Variants in FMO2 observed in about 807,000 individuals in gnomAD.
The protein encoded by FMO2 is flavin-containing monooxygenase 2.
In FMO2, 33 loss-of-function variants were observed where a neutral mutation model predicts 41.6. That is an observed-to-expected ratio of 0.79 (90% CI 0.60 to 1.06). The LOEUF (loss-of-function observed/expected upper bound fraction) is 1.06, where lower values mean the gene tolerates loss of function less well. Ranked by LOEUF, FMO2 falls within the 50% of genes least tolerant of loss-of-function variation. The pLI, the probability that FMO2 is intolerant of heterozygous loss-of-function variation, is 0.00. For missense variants in FMO2, 619 were observed against 632.9 expected, an observed-to-expected ratio of 0.98 and a Z score of 0.23; for synonymous variants, 214 against 219.6, an observed-to-expected ratio of 0.97 and a Z score of 0.23.
chr1:171,186,802 C>T (rs1338474408), intron 2 of FMO2, among the ~76,000 whole-genome samples: 1 of 152,184 alleles, frequency 6.6e-6, no homozygotes, highest in East Asian at 1.9e-4. Flanking sequence ...TTCCTTCCCA[C>T]AACCTCTCAA....
rs28369900 is a variant in FMO2 at position 171,205,724 on chromosome 1, T to C, written c.1183+90T>C. 5,860 of 914,950 alleles carry C rather than the reference T, an allele frequency of 6.4e-3. 246 individuals carry two copies. The African/African-American group carries it at 0.085, about 13-fold the overall frequency. The allele number at this position is 914,950 out of a possible 1,614,324, so 56.7% of individuals were successfully genotyped here. On this transcript the variant is annotated intron_variant, in intron 7 of 8. Transcript: ENST00000209929. ...AGAAGGTTGCCTGAGATAAAAAGGTTGCCAAGAAAAAGTTTGACAACCTTG... is the reference window on the plus strand; with the variant it reads ...AGAAGGTTGCCTGAGATAAAAAGGTCGCCAAGAAAAAGTTTGACAACCTTG...
chr1:171,187,025 C>T (rs937223326), intron 2 of FMO2, among the ~76,000 whole-genome samples: 1 of 152,158 alleles, frequency 6.6e-6, no homozygotes, highest in East Asian at 1.9e-4. Flanking sequence ...CTAATAATAA[C>T]TATATATTTT....
At chr1:171,187,839 AT>A (rs1657916668) in intron 2 of FMO2, among the ~76,000 whole-genome samples, 1 of 152,184 alleles carries the variant, frequency 6.6e-6, no homozygotes, top group East Asian at 1.9e-4. Flanking sequence ...GAAGGGAGAA[AT>A]TGATTCTTCT....
intron 8 of FMO2, among the ~76,000 whole-genome samples, 195 bp downstream of exon 8, chr1:171,207,985 A>G (rs140480646): frequency 1.3e-5 from 2 of 152,314 alleles, no homozygotes; most frequent in East Asian, 3.9e-4. Flanking sequence ...TCTTATACAT[A>G]CTAGGTTAAG....
intron 8 of FMO2, among the ~76,000 whole-genome samples, chr1:171,208,119 G>A (rs1264122545): frequency 6.6e-6 from 1 of 152,176 alleles, no homozygotes; most frequent in African/African-American, 2.4e-5. Flanking sequence ...TACACTCTGT[G>A]GTTAGAGAGG....
At position 171,205,587 on chromosome 1, in the gene FMO2, T is replaced by A. The variant is rs1658729157; in HGVS notation, c.1136T>A (p.Phe379Tyr). Residue 379 changes from phenylalanine to tyrosine, a missense_variant, in exon 7 of 9, where the codon TTC becomes TAC. Coordinates refer to ENST00000209929, the MANE Select transcript of FMO2 (RefSeq NM_001460.5). Reference protein sequence around the residue: ...IGLIQPLGSIFPTAELQARWV... With the variant: ...IGLIQPLGSIYPTAELQARWV... Reference sequence around the variant, plus strand: ...CTCATCCAGCCCCTAGGTTCCATTTTCCCAACTGCTGAACTTCAAGCTCGT... The same window carrying A: ...CTCATCCAGCCCCTAGGTTCCATTTACCCAACTGCTGAACTTCAAGCTCGT... 8 of 1,613,168 alleles carry A rather than the reference T, an allele frequency of 5.0e-6. No individual in the cohort carries two copies. The highest frequency in any genetic ancestry group is 5.1e-6 in the Non-Finnish European group (6 of 1,179,606).
intron 7 of FMO2, 140 bp from the exon 8 acceptor site, chr1:171,207,578 C>T (rs773351310): frequency 3.1e-6 from 2 of 654,366 alleles, no homozygotes; most frequent in African/African-American, 1.8e-5. Context: ...GGGGTGGCAC[C>T]CCCTGAAGTT....
Position 171,203,907 on chromosome 1 carries a change from A to C in FMO2, c.670A>C (p.Ile224Leu). The change falls in exon 6 of 9, where the codon ATC becomes CTC. Residue 224 changes from isoleucine to leucine, a missense_variant. Ile to Leu is a conservative substitution (Grantham distance 5). Coordinates refer to ENST00000209929, the MANE Select transcript of FMO2 (RefSeq NM_001460.5). ...GCATGGCACCTGGGTCATGAGCCGT[A>C]TCTCTGAAGATGGCTATCCTTGGGA... ...TRHGTWVMSRISEDGYPWDSV... is the reference protein window; with the variant it reads ...TRHGTWVMSRLSEDGYPWDSV... The C allele has an allele frequency of 6.2e-7, 1 of 1,613,638 alleles. No individual in the cohort carries two copies. Among genetic ancestry groups the C allele is most frequent in the Non-Finnish European group, 8.5e-7 (1 of 1,179,710 alleles).
chr1:171,209,290 A>G lies in FMO2; in HGVS notation c.*145A>G. 1 of 398,536 alleles carries G rather than the reference A, an allele frequency of 2.5e-6. No homozygotes were observed. Among genetic ancestry groups the G allele is most frequent in the Non-Finnish European group, 4.4e-6 (1 of 226,642 alleles). 24.7% of individuals were successfully genotyped at this position (398,536 alleles called of 1,614,324 possible). A position where few individuals can be genotyped will look rare whatever the true frequency, so the allele number is the denominator to read the frequency against. On this transcript the variant is annotated 3_prime_UTR_variant, in exon 9 of 9. Transcript: ENST00000209929. ...TACAGGTAAGGGGGAAATTGTAAAGAATTAGCAGAATTAGGCATATGTACA... is the reference window on the plus strand; with the variant it reads ...TACAGGTAAGGGGGAAATTGTAAAGGATTAGCAGAATTAGGCATATGTACA...
intron 2 of FMO2, among the ~76,000 whole-genome samples, chr1:171,191,301 C>T (rs1658073515): frequency 1.3e-5 from 2 of 152,202 alleles, no homozygotes; most frequent in Admixed American, 1.3e-4. Context: ...TTCTTCTCAT[C>T]ACTCAAAATT....
At chr1:171,193,940 T>C (rs746762477) in intron 3 of FMO2, among the ~76,000 whole-genome samples, 29 of 151,974 alleles carry the variant, frequency 1.9e-4, no homozygotes, top group Non-Finnish European at 4.1e-4. Context: ...TCACCATGCC[T>C]GGTTCATTTT....
chr1:171,186,895 T>C (rs28369802), intron 2 of FMO2, among the ~76,000 whole-genome samples: 10,932 of 152,304 alleles, frequency 0.072, 441 homozygotes, highest in Middle Eastern at 0.13. Context: ...CAGTTATAAA[T>C]GGATATAATA....
chr1:171,200,408 C>T (rs6692347), intron 5 of FMO2, among the ~76,000 whole-genome samples: 60,471 of 151,962 alleles, frequency 0.4, 12,830 homozygotes, highest in East Asian at 0.55. Context: ...CCAAAGTATT[C>T]CCTCTCAAGA....
At chr1:171,207,178 A>G (rs1658793587) in intron 7 of FMO2, among the ~76,000 whole-genome samples, 1 of 152,098 alleles carries the variant, frequency 6.6e-6, no homozygotes. Flanking sequence ...TGGGCAGGCG[A>G]TGGAGTCATG....
At chr1:171,195,755 G>A (rs903684349) in intron 3 of FMO2, among the ~76,000 whole-genome samples, 2 of 151,898 alleles carry the variant, frequency 1.3e-5, no homozygotes, top group Non-Finnish European at 2.9e-5. Context: ...AAACATTTAT[G>A]TACAATTTTA....
chr1:171,206,376 C>G (rs1358027670), intron 7 of FMO2, among the ~76,000 whole-genome samples: 1 of 151,980 alleles, frequency 6.6e-6, no homozygotes, highest in East Asian at 1.9e-4. Flanking sequence ...AAGGGGATTG[C>G]CTGAACAAAA....
chr1:171,204,579 C>G (rs1571290194), intron 6 of FMO2, among the ~76,000 whole-genome samples: 1 of 152,132 alleles, frequency 6.6e-6, no homozygotes. Flanking sequence ...TTAGTTGTTA[C>G]AGGCTTCTTC....
At chr1:171,202,155 G>A (rs1024482657) in intron 5 of FMO2, among the ~76,000 whole-genome samples, 1 of 152,150 alleles carries the variant, frequency 6.6e-6, no homozygotes, top group Non-Finnish European at 1.5e-5. Flanking sequence ...CCACCCTGCT[G>A]TAGGGAGGGT....
chr1:171,192,085 CATAAA>C (rs1265080956), intron 2 of FMO2, among the ~76,000 whole-genome samples: 2 of 152,026 alleles, frequency 1.3e-5, no homozygotes, highest in East Asian at 3.9e-4. Flanking sequence ...TTTTTTTCTT[CATAAA>C]ATATTTTCCA....
Sources: gnomAD v4.1 joint callset for allele counts (sites outside exome capture counted in the v4.1 genomes callset) on GRCh38, gnomAD v4.1.1 for gene constraint, MANE v1.5 for transcripts, NCBI Gene and HGNC (gene_info 2026-07-23, HGNC 2026-07-21) for gene names.